UGT2B7: variants seen among roughly 807,000 people sequenced by gnomAD.
UGT2B7 encodes UDP-glucuronosyltransferase 2B7.
Under a neutral mutation model 51.9 loss-of-function variants are expected in UGT2B7, and 51 were observed. The ratio of observed to expected loss-of-function variants is 0.98; its 90% CI spans 0.78 to 1.24. The LOEUF (loss-of-function observed/expected upper bound fraction) is 1.24, where lower values mean the gene tolerates loss of function less well. UGT2B7 is among the 50% of genes most tolerant of loss of function. The pLI is 0.00. For missense variants in UGT2B7, 727 were observed against 628.4 expected (o/e 1.16, Z -1.68); for synonymous variants, 225 against 211.6 (o/e 1.06, Z -0.55).
At chr4:69,080,151 C>A (rs903869089) in intron 1 of UGT2B7, among the ~76,000 whole-genome samples, 2 of 152,038 alleles carry the variant, frequency 1.3e-5, no homozygotes, top group Non-Finnish European at 2.9e-5. Context: ...AAATAAATGA[C>A]CCTGAGTCTC....
Position 69,083,552 on chromosome 4 carries a change from C to A in UGT2B7, c.-158-5920C>A, listed in dbSNP as rs1246307171. Among the ~76,000 whole-genome samples, 10 of 151,998 alleles carry A rather than the reference C, an allele frequency of 6.6e-5. No homozygotes were observed. In the South Asian group the frequency reaches 2.1e-3, roughly 31 times the overall value. ...TTTATAACTACAGATGTGTTTTATT[C>A]CATTTCTTTCATCAATGTTTTATCA... On this transcript the variant is annotated intron_variant, in intron 1 of 5. Coordinates refer to the UGT2B7 transcript ENST00000502942.
At chr4:69,087,249 A>G (rs1236062587) in intron 1 of UGT2B7, among the ~76,000 whole-genome samples, 2 of 151,954 alleles carry the variant, frequency 1.3e-5, no homozygotes, top group Admixed American at 1.3e-4. Context: ...TGAAAGATTT[A>G]CAAAAATATT....
intron 1 of UGT2B7, among the ~76,000 whole-genome samples, chr4:69,082,155 C>T (rs1038487507): frequency 2.6e-5 from 4 of 151,934 alleles, no homozygotes; most frequent in African/African-American, 9.7e-5. Flanking sequence ...CTCCTGAGTG[C>T]CCTACATACC....
chr4:69,107,072 T>G, intron 3 of UGT2B7, 103 bp from the exon 4 acceptor site: 1 of 1,276,686 alleles, frequency 7.8e-7, no homozygotes, highest in Non-Finnish European at 1.1e-6. Flanking sequence ...TAGTTCTTAT[T>G]TACTAACATC....
At chr4:69,107,297 G>GT (rs750827526) in intron 4 of UGT2B7, 35 bp downstream of exon 4, 1 of 1,559,904 alleles carries the variant, frequency 6.4e-7, no homozygotes, top group Non-Finnish European at 8.8e-7. Context: ...GAATATATTA[G>GT]TAACAGCACA....
intron 1 of UGT2B7, among the ~76,000 whole-genome samples, chr4:69,064,066 A>AAG (rs1214658978): frequency 4.6e-5 from 5 of 109,024 alleles, no homozygotes; most frequent in African/African-American, 2.0e-4. Context: ...GAAAGAAAGA[A>AAG]AGAAAGAAAG....
rs763081808 is a variant in UGT2B7, at chr4:69,107,249, G to C, written c.1077G>C (p.Gln359His). Residue 359 changes from glutamine to histidine, a missense_variant, in exon 4 of 6, where the codon CAG becomes CAC. Physicochemically the swap from Gln to His is conservative, Grantham distance 24. Coordinates refer to ENST00000305231, the MANE Select transcript of UGT2B7 (RefSeq NM_001074.4). ...LNTRLYKWIP[Q>H]NDLLGHPKTR... is the part of the protein sequence containing the mutation. ...CTCGGCTCTACAAGTGGATACCCCA[G>C]AATGACCTTCTAGGTAAGACTCTGG... The C allele has an allele frequency of 1.2e-6, 2 of 1,608,194 alleles. No homozygotes were observed. Among genetic ancestry groups the C allele is most frequent in the South Asian group, 2.2e-5 (2 of 90,508 alleles).
At chr4:69,062,753 C>T (rs558026032) in intron 1 of UGT2B7, among the ~76,000 whole-genome samples, 3 of 152,310 alleles carry the variant, frequency 2.0e-5, no homozygotes, top group East Asian at 3.9e-4. Context: ...ATAGCAAGCC[C>T]TGCTCTAGTC....
At chr4:69,091,089 A>G (rs1471803922) in intron 2 of UGT2B7, among the ~76,000 whole-genome samples, 2 of 152,180 alleles carry the variant, frequency 1.3e-5, no homozygotes, top group Non-Finnish European at 2.9e-5. Flanking sequence ...CCTAGGTCCA[A>G]TCAAAGCTTT....
chr4:69,063,267 C>A (rs112627510), intron 1 of UGT2B7, among the ~76,000 whole-genome samples: 1 of 132,624 alleles, frequency 7.5e-6, no homozygotes, highest in African/African-American at 2.9e-5. Flanking sequence ...TGCAGTGAGC[C>A]GAGATCGTGC....
intron 1 of UGT2B7, among the ~76,000 whole-genome samples, chr4:69,062,043 G>A (rs942880617): frequency 3.9e-5 from 6 of 152,136 alleles, no homozygotes; most frequent in African/African-American, 9.7e-5. Flanking sequence ...GGCTGAAATC[G>A]TTCAGGACTT....
rs202211253 is a variant in UGT2B7, at chr4:69,112,548, A to G, written c.1402A>G (p.Met468Val). The G allele has an allele frequency of 4.3e-6, 7 of 1,613,964 alleles. No homozygotes were observed. In the East Asian group the frequency reaches 1.3e-4, roughly 31 times the overall value. The change falls in exon 6 of 6, where the codon ATG becomes GTG. Residue 468 changes from methionine (M) to valine (V), a missense_variant. Met to Val is a conservative substitution (Grantham distance 21). Transcript: ENST00000305231. ...AGCAGTCTTCTGGATTGAATTTGTC[A>G]TGCGCCACAAAGGAGCTAAACACCT... ...DRAVFWIEFV[M>V]RHKGAKHLRV...
chr4:69,088,494 G>T lies in UGT2B7; in HGVS notation c.-158-978G>T, dbSNP rs187317942. ...AAACTAGACTTGCAGTGATTTCTAG[G>T]TCTGTGAGATACTTAAGCAATAACT... On this transcript the variant is annotated intron_variant, in intron 1 of 5. Coordinates refer to the UGT2B7 transcript ENST00000502942. 7.2e-5 allele frequency among the ~76,000 whole-genome samples: 11 copies of T among 152,076 alleles called. No homozygotes were observed. The East Asian group carries it at 2.1e-3, about 29-fold the overall frequency.
intron 1 of UGT2B7, among the ~76,000 whole-genome samples, chr4:69,087,497 T>G (rs566514226): frequency 6.6e-6 from 1 of 152,160 alleles, no homozygotes; most frequent in South Asian, 2.1e-4. Flanking sequence ...TAGAGTATTC[T>G]GAGTTTGTCT....
At chr4:69,061,291 A>G (rs1718341138) in intron 1 of UGT2B7, among the ~76,000 whole-genome samples, 1 of 152,214 alleles carries the variant, frequency 6.6e-6, no homozygotes, top group Admixed American at 6.5e-5. Context: ...TAAAGAAATA[A>G]AGTGTAATGA....
intron 5 of UGT2B7, among the ~76,000 whole-genome samples, chr4:69,111,980 G>A (rs1719786071): frequency 6.6e-6 from 1 of 152,132 alleles, no homozygotes; most frequent in East Asian, 1.9e-4. Flanking sequence ...TATTAGGGAG[G>A]AGACCATGCT....
intron 1 of UGT2B7, among the ~76,000 whole-genome samples, chr4:69,063,849 C>A (rs73823805): frequency 0.032 from 4,825 of 151,940 alleles, 102 homozygotes; most frequent in Middle Eastern, 0.11. Context: ...AACATCCAAT[C>A]AATCACAGAA....
chr4:69,060,809 C>T (rs919360517), intron 1 of UGT2B7, among the ~76,000 whole-genome samples: 2 of 152,130 alleles, frequency 1.3e-5, no homozygotes, highest in South Asian at 2.1e-4. Context: ...CATTGGTTTT[C>T]GAATCCGAGA....
intron 1 of UGT2B7, among the ~76,000 whole-genome samples, chr4:69,071,040 A>C (rs566066887): frequency 5.3e-5 from 8 of 152,272 alleles, no homozygotes; most frequent in African/African-American, 1.2e-4. Context: ...TGTTTTCCAC[A>C]TGAGGCCTTG....
Sources: gnomAD v4.1 joint callset for allele counts (sites outside exome capture counted in the v4.1 genomes callset) on GRCh38, gnomAD v4.1.1 for gene constraint, MANE v1.5 for transcripts, NCBI Gene and HGNC (gene_info 2026-07-23, HGNC 2026-07-21) for gene names.